GRAMD1B: variants seen among roughly 807,000 people sequenced by gnomAD.
The protein encoded by GRAMD1B is protein Aster-B.
GRAMD1B carries 37 observed loss-of-function variants against 99.7 expected under a neutral mutation model. The ratio of observed to expected loss-of-function variants is 0.37; its 90% CI spans 0.29 to 0.49. GRAMD1B has a LOEUF of 0.49. GRAMD1B is among the 20% of genes least tolerant of loss of function. The pLI, the probability that GRAMD1B is intolerant of heterozygous loss-of-function variation, is 0.98. For synonymous variants in GRAMD1B, 427 were observed against 387.6 expected, an observed-to-expected ratio of 1.10 and a Z score of -1.19; for missense variants, 888 against 1,009.2, an observed-to-expected ratio of 0.88 and a Z score of 1.63.
rs556530836 is a variant in GRAMD1B, at chr11:123,397,060, T to A, written c.-176+38261T>A. Among the ~76,000 whole-genome samples the A allele has an allele frequency of 4.6e-5, 7 of 152,252 alleles. No homozygotes were observed. In the East Asian group the frequency reaches 1.4e-3, roughly 29 times the overall value. On this transcript the variant is annotated intron_variant, in intron 1 of 20. Coordinates refer to the GRAMD1B transcript ENST00000638157. ...ATAACACCAAAATCAAAATACAGAA[T>A]GTTTCCCATTACCCTAACATTTTTT... is the stretch of plus-strand genomic sequence containing the variant.
chr11:123,456,591 G>A (rs532704909), intron 1 of GRAMD1B, among the ~76,000 whole-genome samples: 1 of 152,024 alleles, frequency 6.6e-6, no homozygotes, highest in East Asian at 1.9e-4. Context: ...CCTGGGCAAT[G>A]TCATGAGACC....
chr11:123,457,126 A>AAAGAAAGAAAGAAAGGAAGG (rs1565514277), intron 1 of GRAMD1B, among the ~76,000 whole-genome samples: 4 of 147,858 alleles, frequency 2.7e-5, no homozygotes, highest in East Asian at 2.4e-4. Flanking sequence ...AAAAAGAAAG[A>AAAGAAAGAAAGAAAGGAAGG]AAGAAAGAAA....
intron 2 of GRAMD1B, among the ~76,000 whole-genome samples, chr11:123,509,252 G>A (rs1003233998): frequency 6.6e-6 from 1 of 152,158 alleles, no homozygotes; most frequent in Non-Finnish European, 1.5e-5. Flanking sequence ...AGCTGAAGCT[G>A]TAAGGTCCTA....
chr11:123,444,697 G>T (rs1234764726), intron 1 of GRAMD1B, among the ~76,000 whole-genome samples: 1 of 152,056 alleles, frequency 6.6e-6, no homozygotes, highest in Non-Finnish European at 1.5e-5. Context: ...TATTGCAGGG[G>T]GTTAGATGGG....
intron 1 of GRAMD1B, among the ~76,000 whole-genome samples, chr11:123,444,650 G>A (rs552049846): frequency 6.6e-6 from 1 of 151,992 alleles, no homozygotes; most frequent in Non-Finnish European, 1.5e-5. Context: ...GTCAGCTGGG[G>A]GTTTTAGAAT....
intron 1 of GRAMD1B, among the ~76,000 whole-genome samples, chr11:123,477,706 T>G (rs944987708): frequency 1.0e-4 from 14 of 139,398 alleles, no homozygotes; most frequent in African/African-American, 3.7e-4. Flanking sequence ...CCCTTCCTTC[T>G]CCCTTCCTTT....
intron 3 of GRAMD1B, among the ~76,000 whole-genome samples, chr11:123,583,995 G>A (rs990064216): frequency 6.6e-6 from 1 of 152,088 alleles, no homozygotes; most frequent in African/African-American, 2.4e-5. Context: ...GGTCTCCAAT[G>A]CCCACAGCGC....
chr11:123,595,926 TC>T lies in GRAMD1B; in HGVS notation c.874-14del. ...CACTTTGCTTGTTGCCCATTCTCTG[TC>T]CTCTTGGATGCCAGCTGACAGTCCG... On this transcript the variant is annotated splice_polypyrimidine_tract_variant and intron_variant, in intron 6 of 19. Transcript: ENST00000635736. 1.3e-6 allele frequency: 2 copies of T among 1,540,050 alleles called. No homozygotes were observed. Among genetic ancestry groups the T allele is most frequent in the Non-Finnish European group, 8.9e-7 (1 of 1,120,914 alleles).
intron 2 of GRAMD1B, among the ~76,000 whole-genome samples, chr11:123,517,500 G>T (rs867972230): frequency 1.3e-5 from 2 of 152,186 alleles, no homozygotes; most frequent in African/African-American, 2.4e-5. Context: ...CCTGATGGGT[G>T]CTTGTCATCC....
At chr11:123,578,632 G>A (rs1025672539) in intron 3 of GRAMD1B, among the ~76,000 whole-genome samples, 12 of 152,098 alleles carry the variant, frequency 7.9e-5, no homozygotes, top group Admixed American at 5.9e-4. Context: ...ACCTGATGTC[G>A]GAGAACAGAC....
intron 1 of GRAMD1B, chr11:123,458,897 G>A (rs1267281553): frequency 4.6e-5 from 7 of 152,102 alleles, no homozygotes; most frequent in Non-Finnish European, 2.9e-5. Flanking sequence ...GGTTCTTTTG[G>A]GGCTAGTCCT....
intron 2 of GRAMD1B, among the ~76,000 whole-genome samples, chr11:123,505,946 C>T (rs1372825721): frequency 6.6e-6 from 1 of 152,164 alleles, no homozygotes; most frequent in African/African-American, 2.4e-5. Context: ...TTCCTTATTT[C>T]AAGTCCCTTG....
intron 1 of GRAMD1B, chr11:123,459,106 A>C (rs1226528124): frequency 3.3e-5 from 5 of 151,536 alleles, no homozygotes; most frequent in Non-Finnish European, 7.4e-5. Flanking sequence ...GATGACAAAG[A>C]ACATGCACTG....
At chr11:123,420,089 A>T (rs1259535610) in intron 1 of GRAMD1B, among the ~76,000 whole-genome samples, 1 of 152,218 alleles carries the variant, frequency 6.6e-6, no homozygotes, top group Non-Finnish European at 1.5e-5. Flanking sequence ...CTAAACTAGA[A>T]TCTTAAGACC....
chr11:123,487,087 A>T (rs1565292145), intron 2 of GRAMD1B, among the ~76,000 whole-genome samples: 1 of 152,192 alleles, frequency 6.6e-6, no homozygotes, highest in African/African-American at 2.4e-5. Context: ...ATAAATAAAG[A>T]AGTTCACTAA....
chr11:123,363,198 T>A (rs1288321294), intron 1 of GRAMD1B, among the ~76,000 whole-genome samples: 3 of 152,196 alleles, frequency 2.0e-5, no homozygotes, highest in African/African-American at 7.2e-5. Flanking sequence ...GGCTTCTCAT[T>A]GAAGCTGTCA....
intron 2 of GRAMD1B, among the ~76,000 whole-genome samples, chr11:123,537,493 G>A (rs1944087286): frequency 6.6e-6 from 1 of 152,222 alleles, no homozygotes; most frequent in African/African-American, 2.4e-5. Flanking sequence ...TGACCATTGA[G>A]CTTTTGAAGG....
intron 1 of GRAMD1B, among the ~76,000 whole-genome samples, chr11:123,433,483 T>C (rs1949000967): frequency 6.6e-6 from 1 of 152,198 alleles, no homozygotes; most frequent in Non-Finnish European, 1.5e-5. Context: ...TTCTGCCATA[T>C]ATACTGAGGA....
intron 2 of GRAMD1B, among the ~76,000 whole-genome samples, chr11:123,564,490 C>T (rs964183984): frequency 6.6e-6 from 1 of 152,228 alleles, no homozygotes; most frequent in African/African-American, 2.4e-5. Flanking sequence ...TCAGGAAGGC[C>T]ACCTAACTCC....
Sources: gnomAD v4.1 joint callset for allele counts (sites outside exome capture counted in the v4.1 genomes callset) on GRCh38, gnomAD v4.1.1 for gene constraint, MANE v1.5 for transcripts, NCBI Gene and HGNC (gene_info 2026-07-23, HGNC 2026-07-21) for gene names.